Variants in EHBP1 observed in about 807,000 individuals in gnomAD.
The protein encoded by EHBP1 is EH domain binding protein 1, also known as EH domain-binding protein 1.
Under a neutral mutation model 144.0 loss-of-function variants are expected in EHBP1, and 55 were observed. The ratio of observed to expected loss-of-function variants is 0.38; its 90% CI spans 0.31 to 0.48. EHBP1 has a LOEUF of 0.48. Among genes scored for constraint, EHBP1 ranks in the 20% least tolerant of loss-of-function variants. EHBP1 has a pLI of 0.98. For synonymous variants in EHBP1, 469 were observed against 472.7 expected (o/e 0.99, Z 0.10); for missense variants, 1,200 against 1,364.2 (o/e 0.88, Z 1.90).
intron 5 of EHBP1, among the ~76,000 whole-genome samples, chr2:62,772,571 G>A (rs919852031): frequency 2.6e-5 from 4 of 152,318 alleles, no homozygotes; most frequent in African/African-American, 9.6e-5. Flanking sequence ...CAGATGACAG[G>A]AGTCAGGTAA....
In EHBP1 at chr2:62,857,004, AAG is replaced by A. The variant is rs1241516422; in HGVS notation, c.635-2164_635-2163del. ...CTGTTGCTGGCTTTGAAGATGGAGG[AAG>A]GGGGTCACAAGTTAAGGAGTGGCTT... On this transcript the variant is annotated intron_variant, in intron 7 of 22. Coordinates refer to ENST00000431489, the MANE Select transcript of EHBP1 (RefSeq NM_001142616.3). Among the ~76,000 whole-genome samples, 12 of 152,252 alleles carry A rather than the reference AAG, an allele frequency of 7.9e-5. No individual in the cohort carries two copies. The East Asian group carries it at 2.3e-3, about 29-fold the overall frequency.
At chr2:62,687,157 G>A (rs2033745050) in intron 1 of EHBP1, among the ~76,000 whole-genome samples, 3 of 152,102 alleles carry the variant, frequency 2.0e-5, no homozygotes, top group Non-Finnish European at 4.4e-5. Flanking sequence ...TAAACAGGAG[G>A]ATTGAATTAA....
Position 62,955,639 on chromosome 2 carries a change from C to T in EHBP1, c.2439C>T (p.Phe813=), listed in dbSNP as rs2057655486. ...ACAATACCAACACAGCCACCCCATT[C>T]TGCAACAGGCAGCTAAGTGATGTGA... ...NKHNTNTATP[F]CNRQLSDQQD... is the part of the protein sequence containing the mutation. Residue 813 remains phenylalanine (F), a synonymous_variant, in exon 14 of 23, where the codon TTC becomes TTT. Coordinates refer to ENST00000431489, the MANE Select transcript of EHBP1 (RefSeq NM_001142616.3). The T allele has an allele frequency of 1.2e-6, 2 of 1,611,324 alleles. No homozygotes were observed. The highest frequency in any genetic ancestry group is 4.5e-5 in the East Asian group (2 of 44,766).
At position 62,948,807 on chromosome 2, in the gene EHBP1, T is replaced by G; in HGVS notation, c.1961T>G (p.Leu654Arg). The part of the protein sequence containing the change: ...QAQVLLGKKR[L>R]LKAETLELSD... ...CAGGTTTTGTTAGGCAAAAAGAGACTATTGAAAGCTGAGACTTTAGAATTG... is the reference window on the plus strand; with the variant it reads ...CAGGTTTTGTTAGGCAAAAAGAGACGATTGAAAGCTGAGACTTTAGAATTG... Residue 654 changes from leucine (L) to arginine (R), a missense_variant, in exon 13 of 23, where the codon CTA becomes CGA. This residue lies in a region of EHBP1 where 543 missense variants were observed against 513.1 expected (regional missense o/e 1.06). Coordinates refer to ENST00000431489, the MANE Select transcript of EHBP1 (RefSeq NM_001142616.3). 1 of 1,614,156 alleles carries G rather than the reference T, an allele frequency of 6.2e-7. No individual in the cohort carries two copies. The highest frequency in any genetic ancestry group is 1.3e-5 in the African/African-American group (1 of 75,052).
intron 5 of EHBP1, 97 bp downstream of exon 5, chr2:62,771,489 C>A: frequency 1.1e-6 from 1 of 891,450 alleles, no homozygotes; most frequent in South Asian, 2.1e-5. Context: ...AAAATGTTGC[C>A]TTAAGAAAAT....
intron 7 of EHBP1, among the ~76,000 whole-genome samples, chr2:62,849,831 G>A (rs1002866037): frequency 7.2e-5 from 11 of 152,150 alleles, no homozygotes; most frequent in African/African-American, 2.2e-4. Flanking sequence ...TATTAAGTGT[G>A]TGAGGGGACT....
chr2:62,979,564 T>C (rs2058868676), intron 15 of EHBP1, among the ~76,000 whole-genome samples: 1 of 152,226 alleles, frequency 6.6e-6, no homozygotes, highest in South Asian at 2.1e-4. Context: ...AGTACTCTCT[T>C]AGAATATGCT....
At chr2:62,929,502 G>A (rs2055810912) in intron 10 of EHBP1, among the ~76,000 whole-genome samples, 1 of 151,872 alleles carries the variant, frequency 6.6e-6, no homozygotes, top group South Asian at 2.1e-4. Flanking sequence ...TCCAGAAAAA[G>A]CATTTGATAG....
In EHBP1 at chr2:63,030,199, G is replaced by A. The variant is rs1453036657; in HGVS notation, c.3104-7336G>A. 2.6e-5 allele frequency among the ~76,000 whole-genome samples: 4 copies of A among 152,170 alleles called. No individual in the cohort carries two copies. The East Asian group carries it at 7.7e-4, about 29-fold the overall frequency. ...CAGGAGTTTCTCAGAATTAATGTAA[G>A]TAAACATTCATAATATGCTCCTTAA... is the stretch of plus-strand genomic sequence containing the variant. On this transcript the variant is annotated intron_variant, in intron 19 of 22. Transcript: ENST00000431489.
intron 5 of EHBP1, among the ~76,000 whole-genome samples, chr2:62,778,397 G>A (rs986367078): frequency 6.6e-6 from 1 of 151,994 alleles, no homozygotes; most frequent in Non-Finnish European, 1.5e-5. Context: ...TCAAAAAATA[G>A]CTGGGCTATG....
rs2059640364 is a variant in EHBP1, at chr2:62,996,648, G to A, written c.2985G>A (p.Gly995=). 6.2e-7 allele frequency: 1 copy of A among 1,612,968 alleles called. No individual in the cohort carries two copies. Among genetic ancestry groups the A allele is most frequent in the African/African-American group, 1.3e-5 (1 of 74,786 alleles). ...KPSEDEVLNK[G]FKDTSQYVVG... is the part of the protein sequence containing the mutation. ...CTGTTTGTTCTTGTTAACAGAAAGG[G>A]TTCAAAGACACCAGTCAGTATGTAG... is the stretch of plus-strand genomic sequence containing the variant. The change falls in exon 19 of 23, where the codon GGG becomes GGA. Residue 995 remains glycine, a synonymous_variant. Coordinates refer to ENST00000431489, the MANE Select transcript of EHBP1 (RefSeq NM_001142616.3).
At chr2:62,818,012 G>A (rs1356646089) in intron 5 of EHBP1, among the ~76,000 whole-genome samples, 1 of 151,792 alleles carries the variant, frequency 6.6e-6, no homozygotes. Context: ...CATAAAAGTG[G>A]ACAGCAGTAT....
At chr2:62,879,611 AGG>A (rs1225130242) in intron 10 of EHBP1, among the ~76,000 whole-genome samples, 5 of 151,016 alleles carry the variant, frequency 3.3e-5, no homozygotes, top group East Asian at 1.9e-4. Context: ...AGAGAGAGAG[AGG>A]GAGAGAGGGA....
Position 62,743,244 on chromosome 2 carries a change from T to G in EHBP1, c.105-4151T>G, listed in dbSNP as rs189612149. Reference sequence around the variant, plus strand: ...CTGTAATTAGTCCCTCATCTTTTTTTGGGCTTTACATTGAAAGTGTCATTG... The same window carrying G: ...CTGTAATTAGTCCCTCATCTTTTTTGGGGCTTTACATTGAAAGTGTCATTG... On this transcript the variant is annotated intron_variant, in intron 2 of 22. Transcript: ENST00000431489. Among the ~76,000 whole-genome samples, 1,167 of 152,304 alleles carry G rather than the reference T, an allele frequency of 7.7e-3. 11 individuals are homozygous for G. The highest frequency in any genetic ancestry group is 0.013 in the Non-Finnish European group (905 of 68,018).
At chr2:62,827,551 T>G (rs530866717) in intron 6 of EHBP1, among the ~76,000 whole-genome samples, 128 of 152,306 alleles carry the variant, frequency 8.4e-4, no homozygotes, top group African/African-American at 2.9e-3. Context: ...AGGAATTCTT[T>G]CCGAACATCC....
chr2:62,690,259 G>A (rs1051489371), intron 1 of EHBP1, among the ~76,000 whole-genome samples: 7 of 152,164 alleles, frequency 4.6e-5, no homozygotes, highest in African/African-American at 1.7e-4. Context: ...TAGGGGTTTT[G>A]AAGTGAAAAA....
chr2:62,798,196 C>T (rs1200687177), intron 5 of EHBP1, among the ~76,000 whole-genome samples: 3 of 151,898 alleles, frequency 2.0e-5, no homozygotes, highest in South Asian at 2.1e-4. Flanking sequence ...GTGAAACCCC[C>T]GTCTCTACTA....
intron 1 of EHBP1, among the ~76,000 whole-genome samples, chr2:62,680,131 C>G (rs1345966009): frequency 6.6e-6 from 1 of 152,184 alleles, no homozygotes; most frequent in Non-Finnish European, 1.5e-5. Context: ...AACGCTTTCA[C>G]TGAGTTAAGG....
At chr2:62,707,524 G>A (rs1200234256) in intron 2 of EHBP1, among the ~76,000 whole-genome samples, 3 of 152,320 alleles carry the variant, frequency 2.0e-5, no homozygotes, top group Non-Finnish European at 4.4e-5. Context: ...GACTGTAACT[G>A]TGAGAGCACA....
Sources: allele counts gnomAD v4.1 joint callset (sites outside exome capture counted in the v4.1 genomes callset), GRCh38; gene constraint gnomAD v4.1.1; regional missense constraint gnomAD v4.1.1; transcripts MANE v1.5; gene names NCBI Gene and HGNC (gene_info 2026-07-23, HGNC 2026-07-21).